Variants in PTPN1 observed in about 807,000 individuals in gnomAD.
PTPN1 encodes the protein protein tyrosine phosphatase non-receptor type 1.
A neutral mutation model predicts 59.9 loss-of-function variants in PTPN1; 12 were observed. The observed-to-expected ratio is 0.20, with a 90% CI of 0.13 to 0.32. PTPN1 has a LOEUF of 0.32. PTPN1 is among the 10% of genes least tolerant of loss of function. The pLI is 1.00. For synonymous variants in PTPN1, 178 were observed against 203.6 expected (o/e 0.87, Z 1.07); for missense variants, 356 against 549.2 (o/e 0.65, Z 3.52).
intron 1 of PTPN1, among the ~76,000 whole-genome samples, chr20:50,537,161 A>G (rs749298941): frequency 4.6e-5 from 7 of 152,112 alleles, no homozygotes; most frequent in South Asian, 4.1e-4. Flanking sequence ...TGTCTCTACT[A>G]AAAATACAAA....
At chr20:50,519,358 T>C (rs2082541654) in intron 1 of PTPN1, among the ~76,000 whole-genome samples, 1 of 152,224 alleles carries the variant, frequency 6.6e-6, no homozygotes, top group Non-Finnish European at 1.5e-5. Flanking sequence ...CAGTGCCTTT[T>C]TTTTACCCAT....
rs374179161 is a variant in PTPN1, at chr20:50,527,857, C to T, written c.63+17267C>T. On this transcript the variant is annotated intron_variant, in intron 1 of 9. Coordinates refer to ENST00000371621, the MANE Select transcript of PTPN1 (RefSeq NM_002827.4). ...AGTCCTAGACCTTACTCATCGGTGT[C>T]TTCTCTGTTTGTTCCTCAACTTGAG... Among the ~76,000 whole-genome samples, 68 of 152,270 alleles carry T rather than the reference C, an allele frequency of 4.5e-4. 1 individual carries two copies. Among genetic ancestry groups the T allele is most frequent in the Middle Eastern group, 6.8e-3 (2 of 294 alleles).
chr20:50,531,413 G>A (rs1030170914), intron 1 of PTPN1, among the ~76,000 whole-genome samples: 6 of 152,160 alleles, frequency 3.9e-5, no homozygotes, highest in Non-Finnish European at 7.3e-5. Flanking sequence ...GTCTCGCTCT[G>A]TCACCCAGGC....
chr20:50,559,990 G>T (rs992828537), intron 1 of PTPN1, among the ~76,000 whole-genome samples: 1 of 152,104 alleles, frequency 6.6e-6, no homozygotes, highest in Non-Finnish European at 1.5e-5. Context: ...TTGAGCAGGT[G>T]TAAGGAGCCT....
chr20:50,575,928 AAAAT>A (rs1047118486), intron 5 of PTPN1, among the ~76,000 whole-genome samples: 4 of 152,184 alleles, frequency 2.6e-5, no homozygotes, highest in African/African-American at 9.7e-5. Context: ...CCCTGTCTCA[AAAAT>A]AAATAAATAA....
intron 1 of PTPN1, among the ~76,000 whole-genome samples, chr20:50,530,461 C>T (rs570783328): frequency 1.8e-4 from 27 of 152,060 alleles, no homozygotes; most frequent in African/African-American, 6.3e-4. Context: ...TAGGTTCAAG[C>T]GAATCTCCTG....
In PTPN1 at chr20:50,584,255, C is replaced by G. The variant is rs2082885709; in HGVS notation, c.*1540C>G. 1 of 152,618 alleles carries G rather than the reference C, an allele frequency of 6.6e-6. No homozygotes were observed. Among genetic ancestry groups the G allele is most frequent in the Admixed American group, 6.5e-5 (1 of 15,276 alleles). 9.5% of individuals were successfully genotyped at this position (152,618 alleles called of 1,614,324 possible). Reference sequence around the variant, plus strand: ...TGGGAACATTCGAGGTGTCACCCTGCAGAGCTATGGTGAGGTGTGGATAAG... The same window carrying G: ...TGGGAACATTCGAGGTGTCACCCTGGAGAGCTATGGTGAGGTGTGGATAAG... On this transcript the variant is annotated 3_prime_UTR_variant, in exon 10 of 10. Coordinates refer to ENST00000371621, the MANE Select transcript of PTPN1 (RefSeq NM_002827.4).
chr20:50,540,780 C>T (rs995558460), intron 1 of PTPN1, among the ~76,000 whole-genome samples: 6 of 152,264 alleles, frequency 3.9e-5, no homozygotes, highest in Admixed American at 6.5e-5. Context: ...GTGAGCTCTT[C>T]GAGGCACAGG....
Position 50,579,867 on chromosome 20 carries a change from C to T in PTPN1, c.1029C>T (p.Asp343=). ...WVKEETQEDK[D]CPIKEEKGSP... Reference sequence around the variant, plus strand: ...AGGAAGAGACCCAGGAGGATAAAGACTGCCCCATCAAGGAAGAAAAAGGAA... The same window carrying T: ...AGGAAGAGACCCAGGAGGATAAAGATTGCCCCATCAAGGAAGAAAAAGGAA... The change falls in exon 8 of 10, where the codon GAC becomes GAT. Residue 343 remains aspartate, a synonymous_variant. Transcript: ENST00000371621. 1 of 1,614,202 alleles carries T rather than the reference C, an allele frequency of 6.2e-7. No individual in the cohort carries two copies. The highest frequency in any genetic ancestry group is 8.5e-7 in the Non-Finnish European group (1 of 1,180,032).
chr20:50,533,884 A>T (rs1325962999), intron 1 of PTPN1, among the ~76,000 whole-genome samples: 2 of 152,090 alleles, frequency 1.3e-5, no homozygotes, highest in Non-Finnish European at 2.9e-5. Flanking sequence ...CTTAATAGTT[A>T]TGAGCACAGA....
At chr20:50,548,443 T>C (rs1196169684) in intron 1 of PTPN1, among the ~76,000 whole-genome samples, 1 of 151,840 alleles carries the variant, frequency 6.6e-6, no homozygotes, top group East Asian at 1.9e-4. Flanking sequence ...TTTTTTTTTA[T>C]TGAGACAGGG....
intron 4 of PTPN1, among the ~76,000 whole-genome samples, chr20:50,569,700 T>A (rs1174781972): frequency 2.0e-5 from 3 of 151,220 alleles, no homozygotes; most frequent in Non-Finnish European, 4.4e-5. Flanking sequence ...GTATAGACTG[T>A]CCTGTGTAGA....
chr20:50,547,432 C>T lies in PTPN1; in HGVS notation c.64-13931C>T, dbSNP rs575536197. 1.6e-4 allele frequency among the ~76,000 whole-genome samples: 24 copies of T among 151,900 alleles called. No individual in the cohort carries two copies. In the South Asian group the frequency reaches 3.5e-3, roughly 22 times the overall value. On this transcript the variant is annotated intron_variant, in intron 1 of 9. Coordinates refer to ENST00000371621, the MANE Select transcript of PTPN1 (RefSeq NM_002827.4). ...AGGCTAGAGTGCAATGGTATGATCT[C>T]GGCTCACTGCAACCTCTGCCTCCCG...
At chr20:50,530,608 C>T (rs113612748) in intron 1 of PTPN1, among the ~76,000 whole-genome samples, 96 of 151,738 alleles carry the variant, frequency 6.3e-4, no homozygotes, top group African/African-American at 2.2e-3. Flanking sequence ...CCACCCTCCT[C>T]GGCCTCCCAA....
chr20:50,514,660 TC>T (rs2082521410), intron 1 of PTPN1, among the ~76,000 whole-genome samples: 2 of 152,222 alleles, frequency 1.3e-5, no homozygotes, highest in African/African-American at 4.8e-5. Flanking sequence ...AGGTACTTTT[TC>T]TGAGGCCTGC....
At chr20:50,581,229 A>G (rs752718902) in intron 8 of PTPN1, 36 bp from the exon 9 acceptor site, 1 of 1,550,626 alleles carries the variant, frequency 6.4e-7, no homozygotes, top group Non-Finnish European at 8.8e-7. Context: ...ATTTTCTCCA[A>G]AGTGAGTAAC....
intron 2 of PTPN1, among the ~76,000 whole-genome samples, chr20:50,563,956 G>C (rs1199603534): frequency 6.6e-6 from 1 of 151,988 alleles, no homozygotes; most frequent in Non-Finnish European, 1.5e-5. Context: ...AAACTAAAAG[G>C]TAAATTTAAT....
chr20:50,565,087 A>G lies in PTPN1; in HGVS notation c.255+18A>G. ...TTACCCAGGTAAGCAGATTGTCTGA[A>G]TTTTCTATTTAATGTCAATTTAAGA... On this transcript the variant is annotated intron_variant, in intron 3 of 9. Coordinates refer to ENST00000371621, the MANE Select transcript of PTPN1 (RefSeq NM_002827.4). The G allele has an allele frequency of 4.4e-6, 7 of 1,600,686 alleles. No homozygotes were observed. Among genetic ancestry groups the G allele is most frequent in the Non-Finnish European group, 6.0e-6 (7 of 1,175,798 alleles).
chr20:50,556,348 C>T (rs2082725892), intron 1 of PTPN1, among the ~76,000 whole-genome samples: 1 of 151,010 alleles, frequency 6.6e-6, no homozygotes, highest in South Asian at 2.1e-4. Flanking sequence ...GCCACCACAC[C>T]CGGCTATTTT....
Sources: allele counts gnomAD v4.1 joint callset (sites outside exome capture counted in the v4.1 genomes callset), GRCh38; gene constraint gnomAD v4.1.1; transcripts MANE v1.5; gene names NCBI Gene and HGNC (gene_info 2026-07-23, HGNC 2026-07-21).